Variants in SRRM3 observed in about 807,000 individuals in gnomAD.
SRRM3 encodes the protein serine/arginine repetitive matrix protein 3.
In SRRM3, 27 loss-of-function variants were observed where a neutral mutation model predicts 66.2. The ratio of observed to expected loss-of-function variants is 0.41; its 90% CI spans 0.30 to 0.56. SRRM3 has a LOEUF of 0.56. SRRM3 is among the 20% of genes least tolerant of loss of function. The pLI is 0.32. For synonymous variants in SRRM3, 391 were observed against 414.9 expected, an observed-to-expected ratio of 0.94 and a Z score of 0.70; for missense variants, 918 against 991.9, an observed-to-expected ratio of 0.93 and a Z score of 1.00.
chr7:76,240,509 A>T (rs1801259668), intron 2 of SRRM3, among the ~76,000 whole-genome samples: 1 of 150,978 alleles, frequency 6.6e-6, no homozygotes, highest in Admixed American at 6.6e-5. Flanking sequence ...AGTCCCAGCT[A>T]CTCAGGAGGC....
rs1800309203 is a variant in SRRM3 at position 76,206,702 on chromosome 7, G to A, written c.-40+4635G>A. ...AGAAGACAGGCCCCTGGGGCCATGT[G>A]TACATTGGCTCCAGAGCAGTCCTCG... On this transcript the variant is annotated intron_variant, in intron 1 of 14. Coordinates refer to ENST00000611745, the MANE Select transcript of SRRM3 (RefSeq NM_001110199.3). Among the ~76,000 whole-genome samples, 3 of 152,198 alleles carry A rather than the reference G, an allele frequency of 2.0e-5. No homozygotes were observed. The East Asian group carries it at 5.8e-4, about 29-fold the overall frequency.
intron 2 of SRRM3, among the ~76,000 whole-genome samples, chr7:76,238,674 C>T (rs1233356723): frequency 1.3e-5 from 2 of 151,988 alleles, no homozygotes; most frequent in African/African-American, 4.8e-5. Flanking sequence ...TTGTTTGTTT[C>T]GTTTGAGATG....
At chr7:76,218,317 C>T (rs1363590263) in intron 1 of SRRM3, among the ~76,000 whole-genome samples, 11 of 152,196 alleles carry the variant, frequency 7.2e-5, no homozygotes, top group African/African-American at 7.2e-5. Flanking sequence ...TGCACCCTCC[C>T]GGGACACAGA....
At chr7:76,214,005 C>T (rs1554602224) in intron 1 of SRRM3, among the ~76,000 whole-genome samples, 1 of 151,868 alleles carries the variant, frequency 6.6e-6, no homozygotes, top group African/African-American at 2.4e-5. Flanking sequence ...TCTTGAACTC[C>T]TGGACTAAGT....
chr7:76,214,382 GGTT>G (rs1800506929), intron 1 of SRRM3, among the ~76,000 whole-genome samples: 2 of 152,298 alleles, frequency 1.3e-5, no homozygotes, highest in South Asian at 4.1e-4. Context: ...AGGAGCCGTG[GGTT>G]GTTGTCAATG....
At chr7:76,275,352 A>C (rs1802317999) in intron 11 of SRRM3, among the ~76,000 whole-genome samples, 1 of 151,100 alleles carries the variant, frequency 6.6e-6, no homozygotes. Flanking sequence ...AAGCTAGGCG[A>C]GGTGGTACCA....
intron 1 of SRRM3, among the ~76,000 whole-genome samples, chr7:76,219,038 A>G (rs1800647082): frequency 6.6e-6 from 1 of 152,014 alleles, no homozygotes; most frequent in Admixed American, 6.6e-5. Flanking sequence ...TATTTTTAGT[A>G]GAGATGGCCA....
chr7:76,264,229 G>A (rs1179346180), intron 8 of SRRM3, among the ~76,000 whole-genome samples: 2 of 148,278 alleles, frequency 1.3e-5, no homozygotes, highest in African/African-American at 2.5e-5. Flanking sequence ...GTGCAAAGGC[G>A]CGATCTCAGC....
chr7:76,265,510 G>A, intron 10 of SRRM3, 42 bp downstream of exon 10: 1 of 1,516,858 alleles, frequency 6.6e-7, no homozygotes, highest in Non-Finnish European at 9.0e-7. Context: ...GGTGGGGGAT[G>A]AGGGTTGCAG....
intron 2 of SRRM3, among the ~76,000 whole-genome samples, chr7:76,238,683 T>C (rs1801206803): frequency 6.6e-6 from 1 of 152,158 alleles, no homozygotes; most frequent in South Asian, 2.1e-4. Context: ...TCGTTTGAGA[T>C]GGATTCTCGC....
chr7:76,246,491 G>A (rs1801443905), intron 2 of SRRM3, among the ~76,000 whole-genome samples: 1 of 152,142 alleles, frequency 6.6e-6, no homozygotes, highest in Non-Finnish European at 1.5e-5. Flanking sequence ...TTGAACCCGG[G>A]AGGTGGAGGT....
Position 76,286,078 on chromosome 7 carries a change from A to G in SRRM3, c.*235A>G. On this transcript the variant is annotated 3_prime_UTR_variant, in exon 15 of 15. Transcript: ENST00000611745. ...GTCCTCTCCCACCTCCTGTCCACCC[A>G]CTGTGCCCGGGGAACAAAGAGCCGT... 2 of 582,942 alleles carry G rather than the reference A, an allele frequency of 3.4e-6. No individual in the cohort carries two copies. Among genetic ancestry groups the G allele is most frequent in the Non-Finnish European group, 6.3e-6 (2 of 319,852 alleles). 36.1% of individuals were successfully genotyped at this position (582,942 alleles called of 1,614,324 possible). A position where few individuals can be genotyped will look rare whatever the true frequency, so the allele number is the denominator to read the frequency against.
At chr7:76,273,972 T>TAGCATTCCAAGTTTGTGTTTC (rs1802274097) in intron 11 of SRRM3, among the ~76,000 whole-genome samples, 1 of 152,242 alleles carries the variant, frequency 6.6e-6, no homozygotes, top group Non-Finnish European at 1.5e-5. Context: ...CTGTGTGGTT[T>TAGCATTCCAAGTTTGTGTTTC]AGCATTCCAA....
At chr7:76,222,906 G>A (rs1055019082) in intron 1 of SRRM3, among the ~76,000 whole-genome samples, 3 of 152,018 alleles carry the variant, frequency 2.0e-5, no homozygotes, top group Non-Finnish European at 2.9e-5. Context: ...TTGAGCCACC[G>A]CGCCCAGCTT....
At chr7:76,219,045 G>T (rs1213642163) in intron 1 of SRRM3, among the ~76,000 whole-genome samples, 1 of 152,018 alleles carries the variant, frequency 6.6e-6, no homozygotes, top group African/African-American at 2.4e-5. Context: ...AGTAGAGATG[G>T]CCATGTTGGC....
At chr7:76,279,884 C>T (rs1294971795) in intron 11 of SRRM3, among the ~76,000 whole-genome samples, 1 of 152,130 alleles carries the variant, frequency 6.6e-6, no homozygotes, top group Non-Finnish European at 1.5e-5. Context: ...CACTCAGGAG[C>T]CGGGCGCTGC....
intron 1 of SRRM3, among the ~76,000 whole-genome samples, chr7:76,205,162 C>T (rs1406615389): frequency 6.6e-6 from 1 of 152,146 alleles, no homozygotes; most frequent in African/African-American, 2.4e-5. Context: ...CACACTGACC[C>T]AGCGCCTCTG....
intron 11 of SRRM3, among the ~76,000 whole-genome samples, chr7:76,274,690 C>T (rs1407849154): frequency 6.6e-6 from 1 of 152,220 alleles, no homozygotes; most frequent in Non-Finnish European, 1.5e-5. Flanking sequence ...TTGTGACTCC[C>T]AGCCCAGGGC....
chr7:76,205,208 CTTTTG>C (rs1331501836), intron 1 of SRRM3, among the ~76,000 whole-genome samples: 4 of 152,090 alleles, frequency 2.6e-5, no homozygotes, highest in African/African-American at 9.6e-5. Flanking sequence ...CTCTCTCTCT[CTTTTG>C]TTTTGTTTTC....
Sources: gnomAD v4.1 joint callset for allele counts (sites outside exome capture counted in the v4.1 genomes callset) on GRCh38, gnomAD v4.1.1 for gene constraint, MANE v1.5 for transcripts, NCBI Gene and HGNC (gene_info 2026-07-23, HGNC 2026-07-21) for gene names.